PHACTR1: variants seen among roughly 807,000 people sequenced by gnomAD.
PHACTR1 encodes the protein phosphatase and actin regulator 1, also known as RPEL repeat containing 1.
PHACTR1 carries 16 observed loss-of-function variants against 69.2 expected under a neutral mutation model. That is an observed-to-expected ratio of 0.23 (90% CI 0.16 to 0.35). PHACTR1 has a LOEUF of 0.35. PHACTR1 is among the 10% of genes least tolerant of loss of function. The pLI is 1.00. For synonymous variants in PHACTR1, 312 were observed against 284.5 expected (o/e 1.10, Z -0.97); for missense variants, 510 against 734.7 (o/e 0.69, Z 3.54).
chr6:13,155,192 T>G (rs1757987981), intron 5 of PHACTR1, among the ~76,000 whole-genome samples: 1 of 152,188 alleles, frequency 6.6e-6, no homozygotes, highest in African/African-American at 2.4e-5. Context: ...TGCAAGAGCA[T>G]GTACTTACCG....
At chr6:12,961,690 G>A (rs6899754) in intron 4 of PHACTR1, among the ~76,000 whole-genome samples, 76,665 of 152,072 alleles carry the variant, frequency 0.5, 22,252 homozygotes, top group African/African-American at 0.8. Context: ...GTCCATAGCT[G>A]ATGTATTGGT....
intron 4 of PHACTR1, among the ~76,000 whole-genome samples, chr6:12,979,948 T>C (rs1795314904): frequency 6.6e-6 from 1 of 152,212 alleles, no homozygotes; most frequent in South Asian, 2.1e-4. Flanking sequence ...CTCTCCAAAA[T>C]GTTCTTTTTT....
At chr6:13,044,266 C>T (rs1265937271) in intron 4 of PHACTR1, among the ~76,000 whole-genome samples, 2 of 152,112 alleles carry the variant, frequency 1.3e-5, no homozygotes, top group Non-Finnish European at 2.9e-5. Context: ...ATAATAGGAT[C>T]GTTTCTTCTC....
intron 8 of PHACTR1, among the ~76,000 whole-genome samples, chr6:13,225,164 T>C (rs1334088854): frequency 6.6e-6 from 1 of 152,266 alleles, no homozygotes; most frequent in Admixed American, 6.5e-5. Flanking sequence ...ATTTGTCTTC[T>C]TCTCAGGACT....
intron 4 of PHACTR1, among the ~76,000 whole-genome samples, chr6:12,756,001 A>G (rs1767275882): frequency 1.3e-5 from 2 of 152,234 alleles, no homozygotes; most frequent in South Asian, 4.1e-4. Flanking sequence ...TCACGTGCAT[A>G]TAAACTGACA....
chr6:12,912,029 G>A (rs1002638311), intron 4 of PHACTR1, among the ~76,000 whole-genome samples: 34 of 152,248 alleles, frequency 2.2e-4, no homozygotes, highest in South Asian at 2.1e-3. Flanking sequence ...ACGGAATCTC[G>A]CTCTGTCACC....
chr6:13,238,976 G>C (rs1036665484), intron 10 of PHACTR1, among the ~76,000 whole-genome samples: 1 of 152,216 alleles, frequency 6.6e-6, no homozygotes, highest in Non-Finnish European at 1.5e-5. Flanking sequence ...TGTAGGCCTA[G>C]CCCTTGAGGT....
chr6:12,956,543 A>G (rs1010730482), intron 4 of PHACTR1, among the ~76,000 whole-genome samples: 3 of 152,158 alleles, frequency 2.0e-5, no homozygotes, highest in Admixed American at 2.0e-4. Context: ...TATGGTTGAA[A>G]GTGGAGACTG....
chr6:13,253,812 T>C lies in PHACTR1; in HGVS notation c.1392-19048T>C, dbSNP rs563202292. On this transcript the variant is annotated intron_variant, in intron 10 of 14. Coordinates refer to ENST00000332995, the MANE Select transcript of PHACTR1 (RefSeq NM_030948.6). The stretch of plus-strand genomic sequence containing the variant: ...GGACGTGGACATCTGTGCCTCCACA[T>C]TGGGCAGTGGCAGTGATTAGGCATT... Among the ~76,000 whole-genome samples, 5 of 152,196 alleles carry C rather than the reference T, an allele frequency of 3.3e-5. No homozygotes were observed. The South Asian group carries it at 8.3e-4, about 25-fold the overall frequency.
chr6:13,210,749 C>T (rs1336518577), intron 8 of PHACTR1, among the ~76,000 whole-genome samples: 1 of 152,072 alleles, frequency 6.6e-6, no homozygotes, highest in Non-Finnish European at 1.5e-5. Context: ...ACACAGTAAG[C>T]AAATGGTATT....
rs1325082478 is a variant in PHACTR1 at position 12,794,087 on chromosome 6, A to G, written c.250+44297A>G. On this transcript the variant is annotated intron_variant, in intron 4 of 14. Transcript: ENST00000332995. ...CTGGGTGACCTTAGAAAAATAAGTT[A>G]ATCTTTCTGAGCCTCAACCCACTTG... Among the ~76,000 whole-genome samples the G allele has an allele frequency of 4.6e-5, 7 of 152,324 alleles. No individual in the cohort carries two copies. The South Asian group carries it at 1.4e-3, about 32-fold the overall frequency.
intron 4 of PHACTR1, among the ~76,000 whole-genome samples, chr6:12,842,469 A>G (rs919467671): frequency 1.3e-5 from 2 of 152,266 alleles, no homozygotes; most frequent in Non-Finnish European, 2.9e-5. Flanking sequence ...GATGTAATTT[A>G]TAATTTTGAA....
At position 12,962,550 on chromosome 6, in the gene PHACTR1, T is replaced by C. The variant is rs570427342; in HGVS notation, c.251-90815T>C. On this transcript the variant is annotated intron_variant, in intron 4 of 14. Coordinates refer to ENST00000332995, the MANE Select transcript of PHACTR1 (RefSeq NM_030948.6). Reference sequence around the variant, plus strand: ...TGAGGAGACTCCAGGAAAGGCAGCCTGGTAGACCTGGGCCAAGCTTCCAGA... The same window carrying C: ...TGAGGAGACTCCAGGAAAGGCAGCCCGGTAGACCTGGGCCAAGCTTCCAGA... Among the ~76,000 whole-genome samples, 34 of 152,320 alleles carry C rather than the reference T, an allele frequency of 2.2e-4. No individual in the cohort carries two copies. The South Asian group carries it at 4.1e-3, about 19-fold the overall frequency.
At chr6:13,111,314 T>G (rs1232145018) in intron 5 of PHACTR1, among the ~76,000 whole-genome samples, 1 of 152,180 alleles carries the variant, frequency 6.6e-6, no homozygotes, top group African/African-American at 2.4e-5. Context: ...AAGTAAAAAT[T>G]TGTATCTTAT....
rs138952607 is a variant in PHACTR1, at chr6:13,023,875, G to C, written c.251-29490G>C. Among the ~76,000 whole-genome samples, 5 of 152,154 alleles carry C rather than the reference G, an allele frequency of 3.3e-5. No individual in the cohort carries two copies. The East Asian group carries it at 9.6e-4, about 29-fold the overall frequency. ...GCAGATTACTTGAGGCCAGGAGTTC[G>C]AGACCAGCCTGGCCAGGATGGCAAA... On this transcript the variant is annotated intron_variant, in intron 4 of 14. Transcript: ENST00000332995.
intron 5 of PHACTR1, among the ~76,000 whole-genome samples, chr6:13,143,892 G>A (rs148328712): frequency 2.7e-4 from 41 of 152,180 alleles, no homozygotes; most frequent in Middle Eastern, 3.4e-3. Flanking sequence ...CTGTGAATGC[G>A]TAGTTTTTGT....
chr6:12,813,840 G>T (rs895126335), intron 4 of PHACTR1, among the ~76,000 whole-genome samples: 1 of 152,338 alleles, frequency 6.6e-6, no homozygotes, highest in South Asian at 2.1e-4. Context: ...GTGGCCCACA[G>T]GCCAGCAGCA....
chr6:12,788,153 A>C (rs1771777252), intron 4 of PHACTR1, among the ~76,000 whole-genome samples: 1 of 131,848 alleles, frequency 7.6e-6, no homozygotes, highest in African/African-American at 3.0e-5. Context: ...ATGAGACTCA[A>C]TCTCAAATTA....
intron 4 of PHACTR1, among the ~76,000 whole-genome samples, chr6:12,834,675 T>G (rs1361432180): frequency 6.6e-6 from 1 of 152,164 alleles, no homozygotes; most frequent in African/African-American, 2.4e-5. Context: ...AAAAATAGTT[T>G]ACCCTATTTT....
Sources: allele counts gnomAD v4.1 joint callset (sites outside exome capture counted in the v4.1 genomes callset), GRCh38; gene constraint gnomAD v4.1.1; transcripts MANE v1.5; gene names NCBI Gene and HGNC (gene_info 2026-07-23, HGNC 2026-07-21).